MCC: variants seen among roughly 807,000 people sequenced by gnomAD.
The protein encoded by MCC is MCC regulator of Wnt signaling pathway, also known as colorectal mutant cancer protein.
MCC carries 90 observed loss-of-function variants against 116.2 expected under a neutral mutation model. The ratio of observed to expected loss-of-function variants is 0.77; its 90% CI spans 0.65 to 0.92. The LOEUF is 0.92. MCC is among the 40% of genes least tolerant of loss of function. The pLI, the probability that MCC is intolerant of heterozygous loss-of-function variation, is 0.00. For synonymous variants in MCC, 578 were observed against 510.5 expected (o/e 1.13, Z -1.78); for missense variants, 1,516 against 1,312.2 (o/e 1.16, Z -2.40).
intron 2 of MCC, among the ~76,000 whole-genome samples, chr5:113,342,980 C>A (rs1233491782): frequency 6.6e-6 from 1 of 152,032 alleles, no homozygotes; most frequent in Non-Finnish European, 1.5e-5. Flanking sequence ...TCTGGTAGGT[C>A]TTTAATACAT....
intron 1 of MCC, among the ~76,000 whole-genome samples, chr5:113,461,811 T>C (rs1027953038): frequency 2.0e-5 from 3 of 150,012 alleles, no homozygotes; most frequent in Non-Finnish European, 4.4e-5. Flanking sequence ...AGCTACAGAT[T>C]ATAGTAGAGA....
intron 1 of MCC, among the ~76,000 whole-genome samples, chr5:113,468,348 T>A (rs935318182): frequency 2.6e-5 from 4 of 152,188 alleles, no homozygotes; most frequent in Non-Finnish European, 5.9e-5. Context: ...TATTTTGAGA[T>A]ACATACCATC....
intron 1 of MCC, among the ~76,000 whole-genome samples, chr5:113,468,386 C>A (rs1743850232): frequency 6.6e-6 from 1 of 152,186 alleles, no homozygotes; most frequent in Non-Finnish European, 1.5e-5. Context: ...GAGTTTTTAG[C>A]ATGAAAGGTT....
chr5:113,229,639 A>AC (rs1459613873), intron 3 of MCC, among the ~76,000 whole-genome samples: 1 of 152,230 alleles, frequency 6.6e-6, no homozygotes, highest in Non-Finnish European at 1.5e-5. Flanking sequence ...GTGCTGCATA[A>AC]CAACATTTTA....
chr5:113,073,993 G>T (rs546432640), intron 11 of MCC, among the ~76,000 whole-genome samples: 1 of 152,364 alleles, frequency 6.6e-6, no homozygotes, highest in East Asian at 1.9e-4. Context: ...AACTTCTGCA[G>T]ACTTAAAAGT....
At chr5:113,046,462 G>A (rs4073359) in intron 16 of MCC, among the ~76,000 whole-genome samples, 75,801 of 151,740 alleles carry the variant, frequency 0.5, 19,230 homozygotes, top group East Asian at 0.63. Context: ...AAAGTACTGG[G>A]ATTATAGGTA....
intron 3 of MCC, among the ~76,000 whole-genome samples, chr5:113,250,933 TAA>T (rs1764777349): frequency 6.6e-6 from 1 of 152,230 alleles, no homozygotes; most frequent in African/African-American, 2.4e-5. Flanking sequence ...ATCATTCCAA[TAA>T]ACTGTCTTGC....
intron 3 of MCC, among the ~76,000 whole-genome samples, chr5:113,264,997 C>G (rs74395177): frequency 1.3e-5 from 2 of 152,056 alleles, no homozygotes; most frequent in African/African-American, 2.4e-5. Flanking sequence ...GCCAAGATCA[C>G]GCCACTGCTC....
At chr5:113,401,371 T>A (rs1268801943) in intron 1 of MCC, among the ~76,000 whole-genome samples, 1 of 152,104 alleles carries the variant, frequency 6.6e-6, no homozygotes, top group Non-Finnish European at 1.5e-5. Context: ...TAAAGCAAAA[T>A]TTTTCACTAA....
intron 11 of MCC, among the ~76,000 whole-genome samples, chr5:113,072,571 C>G (rs986369299): frequency 6.6e-6 from 1 of 152,218 alleles, no homozygotes; most frequent in African/African-American, 2.4e-5. Context: ...TCTTAAAGAG[C>G]TCCCCTCACT....
rs1406509275 is a variant in MCC, at chr5:113,023,572, T to C, written c.*3730A>G. On this transcript the variant is annotated 3_prime_UTR_variant, in exon 19 of 19. Transcript: ENST00000408903. ...AAATCTCAACCATTACAGAAGTCTC[T>C]TACTATTTTGGCTCTCAAAATACTC... The C allele has an allele frequency of 6.6e-6, 1 of 152,238 alleles. No individual in the cohort carries two copies. The highest frequency in any genetic ancestry group is 1.5e-5 in the Non-Finnish European group (1 of 68,044). 9.4% of individuals were successfully genotyped at this position (152,238 alleles called of 1,614,324 possible).
chr5:113,473,374 A>G (rs1423468668), intron 1 of MCC, among the ~76,000 whole-genome samples: 1 of 152,048 alleles, frequency 6.6e-6, no homozygotes, highest in Non-Finnish European at 1.5e-5. Flanking sequence ...AAATGTTTAA[A>G]TTAGCTGGGC....
intron 3 of MCC, among the ~76,000 whole-genome samples, chr5:113,189,061 G>C (rs1451659257): frequency 6.6e-6 from 1 of 152,202 alleles, no homozygotes; most frequent in African/African-American, 2.4e-5. Context: ...GGAGGAGTGA[G>C]GCCGTCTACC....
intron 1 of MCC, chr5:113,436,496 A>T (rs1770869577): frequency 6.6e-6 from 1 of 152,258 alleles, no homozygotes; most frequent in Admixed American, 6.5e-5. Context: ...TAACATCGAC[A>T]CAGAGACCTG....
At chr5:113,237,779 A>C (rs1010083030) in intron 3 of MCC, among the ~76,000 whole-genome samples, 6 of 152,254 alleles carry the variant, frequency 3.9e-5, no homozygotes, top group Non-Finnish European at 7.3e-5. Flanking sequence ...TAGAACCCAG[A>C]CAAGAGCTTT....
intron 3 of MCC, among the ~76,000 whole-genome samples, chr5:113,302,730 T>C (rs1308936290): frequency 6.6e-6 from 1 of 152,176 alleles, no homozygotes; most frequent in Non-Finnish European, 1.5e-5. Context: ...CTACTATAGC[T>C]CAGTGATAGG....
At chr5:113,096,525 C>T (rs1449752832) in intron 8 of MCC, among the ~76,000 whole-genome samples, 1 of 152,146 alleles carries the variant, frequency 6.6e-6, no homozygotes. Flanking sequence ...ATAGTCAAAG[C>T]ATGTAAATCA....
chr5:113,170,730 T>C (rs775155713), intron 3 of MCC, among the ~76,000 whole-genome samples: 1 of 152,130 alleles, frequency 6.6e-6, no homozygotes, highest in South Asian at 2.1e-4. Context: ...TTTACAAAAT[T>C]TGACAAGAAG....
chr5:113,355,184 A>G (rs975355825), intron 2 of MCC, among the ~76,000 whole-genome samples: 2 of 152,206 alleles, frequency 1.3e-5, no homozygotes, highest in Non-Finnish European at 2.9e-5. Flanking sequence ...ATCCAGAGAA[A>G]GATCAGGTGG....
Sources: gnomAD v4.1 joint callset for allele counts (sites outside exome capture counted in the v4.1 genomes callset) on GRCh38, gnomAD v4.1.1 for gene constraint, MANE v1.5 for transcripts, NCBI Gene and HGNC (gene_info 2026-07-23, HGNC 2026-07-21) for gene names.